HECW2: variants seen among roughly 807,000 people sequenced by gnomAD.
HECW2 encodes E3 ubiquitin-protein ligase HECW2.
In HECW2, 61 loss-of-function variants were observed where a neutral mutation model predicts 175.2. That is an observed-to-expected ratio of 0.35 (90% confidence interval 0.28 to 0.43). The LOEUF is 0.43. Among genes scored for constraint, HECW2 ranks in the 20% least tolerant of loss-of-function variants. The probability of loss-of-function intolerance (pLI) is 1.00; values close to 1 mark genes in which losing one functional copy is unlikely to be tolerated. For synonymous variants in HECW2, 671 were observed against 731.0 expected (o/e 0.92, Z 1.32); for missense variants, 1,524 against 2,000.5 (o/e 0.76, Z 4.54).
At chr2:196,507,606 T>G (rs1687813343) in intron 1 of HECW2, among the ~76,000 whole-genome samples, 1 of 152,194 alleles carries the variant, frequency 6.6e-6, no homozygotes. Context: ...AACCCTGACT[T>G]AAAGGAAATG....
At chr2:196,385,099 A>G (rs1694310707) in intron 2 of HECW2, among the ~76,000 whole-genome samples, 1 of 151,884 alleles carries the variant, frequency 6.6e-6, no homozygotes, top group Non-Finnish European at 1.5e-5. Context: ...ATTTGTAGAG[A>G]CAGGGTCTTG....
chr2:196,334,212 T>C (rs541852900), intron 4 of HECW2, among the ~76,000 whole-genome samples: 36 of 152,338 alleles, frequency 2.4e-4, no homozygotes, highest in Middle Eastern at 6.8e-3. Flanking sequence ...CAAATGGCTG[T>C]TACAAATCAA....
At chr2:196,219,189 T>G (rs1047607396) in intron 26 of HECW2, among the ~76,000 whole-genome samples, 3 of 152,240 alleles carry the variant, frequency 2.0e-5, no homozygotes, top group Non-Finnish European at 4.4e-5. Flanking sequence ...CAGAACTACT[T>G]CTAATCTCTT....
chr2:196,581,698 A>C (rs371484312), intron 1 of HECW2, among the ~76,000 whole-genome samples: 1 of 152,152 alleles, frequency 6.6e-6, no homozygotes, highest in African/African-American at 2.4e-5. Context: ...AATAAACTTT[A>C]TTTTGTCTTA....
Position 196,209,757 on chromosome 2 carries a change from C to CTTTT in HECW2, c.4607+6107_4607+6108insAAAA, listed in dbSNP as rs1365319286. Among the ~76,000 whole-genome samples the CTTTT allele has an allele frequency of 5.7e-3, 805 of 142,084 alleles. 12 individuals carry two copies. The highest frequency in any genetic ancestry group is 0.02 in the African/African-American group (762 of 37,302). 93.2% of individuals were successfully genotyped at this position (142,084 alleles called of 152,430 possible). ...TCTCTTGTTCTGATGGTTTTTCTTT[C>CTTTT]TTTCTTTCTTTTTTTTTTTTTTTTG... On this transcript the variant is annotated intron_variant, in intron 28 of 28. Coordinates refer to ENST00000644978, the MANE Select transcript of HECW2 (RefSeq NM_001348768.2).
intron 1 of HECW2, among the ~76,000 whole-genome samples, chr2:196,453,685 T>C (rs757513049): frequency 3.9e-5 from 6 of 152,212 alleles, no homozygotes; most frequent in Non-Finnish European, 5.9e-5. Context: ...TTATAAATTA[T>C]ATTACCTAAA....
At chr2:196,382,895 T>C (rs1356803532) in intron 2 of HECW2, among the ~76,000 whole-genome samples, 2 of 152,214 alleles carry the variant, frequency 1.3e-5, no homozygotes, top group Non-Finnish European at 2.9e-5. Context: ...CATTTTATTC[T>C]ATTTTCTGTA....
intron 1 of HECW2, among the ~76,000 whole-genome samples, chr2:196,533,305 A>C (rs941583281): frequency 1.3e-5 from 2 of 152,206 alleles, no homozygotes; most frequent in African/African-American, 4.8e-5. Flanking sequence ...GCAACCAATG[A>C]CCTCTATCTA....
Position 196,248,576 on chromosome 2 carries a change from T to TGA in HECW2, c.3529+5342_3529+5343dup, listed in dbSNP as rs60292936. Among the ~76,000 whole-genome samples, 52 of 140,768 alleles carry TGA rather than the reference T, an allele frequency of 3.7e-4. 1 individual carries two copies. Among genetic ancestry groups the TGA allele is most frequent in the Admixed American group, 1.6e-3 (22 of 13,874 alleles). 92.3% of individuals were successfully genotyped at this position (140,768 alleles called of 152,430 possible). ...AGGTGGGGAAAGGGAGAGGGACAGA[T>TGA]GAGAGAGAGAGAGACAGACAGACAC... On this transcript the variant is annotated intron_variant, in intron 19 of 28. Transcript: ENST00000644978.
chr2:196,217,374 A>G (rs1372277785), intron 26 of HECW2: 4 of 310,658 alleles, frequency 1.3e-5, no homozygotes, highest in Admixed American at 4.8e-5. Flanking sequence ...TATTTTAACC[A>G]TATCATTTCT....
intron 7 of HECW2, among the ~76,000 whole-genome samples, chr2:196,321,245 C>T (rs531199240): frequency 1.3e-5 from 2 of 152,190 alleles, no homozygotes; most frequent in Non-Finnish European, 2.9e-5. Context: ...GCCTGGGCCC[C>T]GGGCTTGGAC....
chr2:196,509,292 C>T (rs879483557), intron 1 of HECW2, among the ~76,000 whole-genome samples: 8 of 152,154 alleles, frequency 5.3e-5, no homozygotes, highest in Non-Finnish European at 7.3e-5. Context: ...TGAGTTCTTT[C>T]ACCTTCCTGT....
chr2:196,207,573 A>G (rs1687114891), intron 28 of HECW2, among the ~76,000 whole-genome samples: 1 of 152,180 alleles, frequency 6.6e-6, no homozygotes, highest in Non-Finnish European at 1.5e-5. Flanking sequence ...AATTCATGGA[A>G]AGAAATTCTA....
chr2:196,269,936 G>A (rs1689665636), intron 17 of HECW2, among the ~76,000 whole-genome samples: 1 of 152,214 alleles, frequency 6.6e-6, no homozygotes, highest in Non-Finnish European at 1.5e-5. Context: ...GGGCATGGGA[G>A]AACAGGGGTA....
chr2:196,249,470 G>A (rs1688778683), intron 19 of HECW2, among the ~76,000 whole-genome samples: 1 of 152,244 alleles, frequency 6.6e-6, no homozygotes, highest in South Asian at 2.1e-4. Context: ...GGAAAAGGGG[G>A]AAAGTTTACC....
rs190673672 is a variant in HECW2 at position 196,300,690 on chromosome 2, A to G, written c.2814+5798T>C. ...CATCTATACATATATATCTATATCT[A>G]TATCTATACACATATATACATATAT... On this transcript the variant is annotated intron_variant, in intron 13 of 28. Coordinates refer to ENST00000644978, the MANE Select transcript of HECW2 (RefSeq NM_001348768.2). Among the ~76,000 whole-genome samples the G allele has an allele frequency of 5.7e-4, 86 of 151,056 alleles. 1 individual carries two copies. In the East Asian group the frequency reaches 0.015, roughly 27 times the overall value.
intron 1 of HECW2, among the ~76,000 whole-genome samples, chr2:196,578,335 A>C (rs914563957): frequency 6.6e-6 from 1 of 152,162 alleles, no homozygotes; most frequent in African/African-American, 2.4e-5. Flanking sequence ...AGAAAGAAAA[A>C]GAACAAAGAA....
chr2:196,246,670 A>G lies in HECW2; in HGVS notation c.3530-4466T>C, dbSNP rs545811724. Among the ~76,000 whole-genome samples the G allele has an allele frequency of 1.1e-4, 17 of 152,208 alleles. No individual in the cohort carries two copies. In the East Asian group the frequency reaches 2.5e-3, roughly 23 times the overall value. On this transcript the variant is annotated intron_variant, in intron 19 of 28. Coordinates refer to ENST00000644978, the MANE Select transcript of HECW2 (RefSeq NM_001348768.2). ...CTCCCAAAGTGGTGGGATTACAGGCATGAGCCACTGTGCCCTGCCAAGAAA... is the reference window on the plus strand; with the variant it reads ...CTCCCAAAGTGGTGGGATTACAGGCGTGAGCCACTGTGCCCTGCCAAGAAA...
At chr2:196,589,148 A>C (rs537039782) in intron 1 of HECW2, among the ~76,000 whole-genome samples, 1 of 152,186 alleles carries the variant, frequency 6.6e-6, no homozygotes, top group African/African-American at 2.4e-5. Context: ...GCGGTGAGCC[A>C]AGATTGCACC....
Sources: allele counts gnomAD v4.1 joint callset (sites outside exome capture counted in the v4.1 genomes callset), GRCh38; gene constraint gnomAD v4.1.1; transcripts MANE v1.5; gene names NCBI Gene and HGNC (gene_info 2026-07-23, HGNC 2026-07-21).